Variants in CALCR observed in about 807,000 individuals in gnomAD.
The protein encoded by CALCR is calcitonin receptor.
CALCR carries 47 observed loss-of-function variants against 59.5 expected under a neutral mutation model. The ratio of observed to expected loss-of-function variants is 0.79; its 90% confidence interval spans 0.63 to 1.01. The LOEUF is 1.01. CALCR is among the 50% of genes least tolerant of loss of function. The pLI, the probability that CALCR is intolerant of heterozygous loss-of-function variation, is 0.00. For missense variants in CALCR, 566 were observed against 597.1 expected (o/e 0.95, Z 0.54); for synonymous variants, 213 against 211.3 (o/e 1.01, Z -0.07).
chr7:93,463,809 T>A (rs946345886), intron 7 of CALCR, among the ~76,000 whole-genome samples: 1 of 151,946 alleles, frequency 6.6e-6, no homozygotes, highest in Non-Finnish European at 1.5e-5. Flanking sequence ...ATCTGAGATG[T>A]CTTAGGTAGA....
chr7:93,439,097 C>A (rs1021449597), intron 9 of CALCR, among the ~76,000 whole-genome samples: 4 of 152,014 alleles, frequency 2.6e-5, no homozygotes, highest in Non-Finnish European at 5.9e-5. Context: ...TTGATTGAGA[C>A]ATCTGTAGAA....
At chr7:93,479,546 G>A (rs1800748245) in intron 3 of CALCR, 39 bp from the exon 4 acceptor site, 2 of 1,569,176 alleles carry the variant, frequency 1.3e-6, no homozygotes, top group African/African-American at 2.7e-5. Flanking sequence ...ATAGACAGGA[G>A]GAATGGGTGA....
chr7:93,542,523 A>G (rs1045578824), intron 2 of CALCR, among the ~76,000 whole-genome samples: 4 of 152,162 alleles, frequency 2.6e-5, no homozygotes, highest in Non-Finnish European at 5.9e-5. Context: ...TGTAGACTTT[A>G]TAAACACTGT....
chr7:93,472,923 G>GT lies in CALCR; in HGVS notation c.317-437dup, dbSNP rs527542469. Among the ~76,000 whole-genome samples the GT allele has an allele frequency of 2.1e-3, 321 of 151,850 alleles. 1 individual carries two copies. The highest frequency in any genetic ancestry group is 6.8e-3 in the African/African-American group (282 of 41,512). On this transcript the variant is annotated intron_variant, in intron 5 of 13. Coordinates refer to ENST00000426151, the MANE Select transcript of CALCR (RefSeq NM_001742.4). ...ATACCTTTCTTTATTTACTTGCAATGTTTTTTCATTAGATTAACTGTATGA... is the reference window on the plus strand; with the variant it reads ...ATACCTTTCTTTATTTACTTGCAATGTTTTTTTCATTAGATTAACTGTATGA...
At chr7:93,472,623 C>T in intron 5 of CALCR, 136 bp from the exon 6 acceptor site, 1 of 609,254 alleles carries the variant, frequency 1.6e-6, no homozygotes, top group Non-Finnish European at 2.9e-6. Flanking sequence ...TCAGTAGAGA[C>T]TATCACAAAT....
In CALCR at chr7:93,464,602, T is replaced by C. The variant is rs144106720; in HGVS notation, c.522-3655A>G. On this transcript the variant is annotated intron_variant, in intron 7 of 13. Transcript: ENST00000426151. ...CTTCCCTATTTGACAAGAGACTTTA[T>C]GCCTTTTGATTTAGCACAAAATCCT... Among the ~76,000 whole-genome samples, 309 of 152,140 alleles carry C rather than the reference T, an allele frequency of 2.0e-3. 1 individual carries two copies. Among genetic ancestry groups the C allele is most frequent in the Middle Eastern group, 6.8e-3 (2 of 294 alleles).
At chr7:93,477,772 T>C (rs1383711996) in intron 4 of CALCR, 104 bp from the exon 5 acceptor site, 27 of 687,608 alleles carry the variant, frequency 3.9e-5, no homozygotes, top group Non-Finnish European at 6.7e-5. Context: ...ACTACACCAG[T>C]CATAACCAAC....
At chr7:93,497,898 C>T (rs1801243920) in intron 2 of CALCR, among the ~76,000 whole-genome samples, 1 of 151,584 alleles carries the variant, frequency 6.6e-6, no homozygotes, top group African/African-American at 2.4e-5. Flanking sequence ...CCAGAAATCC[C>T]TGGTAGGAAT....
chr7:93,483,758 C>T (rs1218928143), intron 3 of CALCR, among the ~76,000 whole-genome samples: 1 of 151,572 alleles, frequency 6.6e-6, no homozygotes, highest in Non-Finnish European at 1.5e-5. Context: ...TATGTCTATA[C>T]TACTTATTTC....
chr7:93,487,927 GAGA>G (rs1219165424), intron 2 of CALCR, among the ~76,000 whole-genome samples: 1 of 151,096 alleles, frequency 6.6e-6, no homozygotes, highest in Admixed American at 6.6e-5. Flanking sequence ...GATATTTCAT[GAGA>G]AGATCAACCC....
chr7:93,471,463 T>G (rs749552995), intron 6 of CALCR, among the ~76,000 whole-genome samples: 1 of 151,818 alleles, frequency 6.6e-6, no homozygotes, highest in Non-Finnish European at 1.5e-5. Context: ...CTCGTTTGTT[T>G]TTGTTATTTG....
intron 2 of CALCR, among the ~76,000 whole-genome samples, chr7:93,569,076 C>A (rs1045264488): frequency 7.7e-5 from 8 of 103,660 alleles, no homozygotes; most frequent in Non-Finnish European, 1.8e-4. Context: ...AAAATAATTT[C>A]GTTTTTTTTT....
chr7:93,540,984 G>A (rs371928581), intron 2 of CALCR, among the ~76,000 whole-genome samples: 1 of 151,906 alleles, frequency 6.6e-6, no homozygotes, highest in South Asian at 2.1e-4. Flanking sequence ...AATGACAAAT[G>A]AGTGATTTGG....
chr7:93,509,004 A>T (rs1024719037), intron 2 of CALCR, among the ~76,000 whole-genome samples: 1 of 151,996 alleles, frequency 6.6e-6, no homozygotes. Context: ...ATTCTATCTC[A>T]TCTCATGTGA....
At chr7:93,512,477 A>T (rs768571413) in intron 2 of CALCR, among the ~76,000 whole-genome samples, 34 of 152,056 alleles carry the variant, frequency 2.2e-4, no homozygotes, top group Non-Finnish European at 4.0e-4. Flanking sequence ...CTTTTCTTTT[A>T]TGGCATCACA....
rs1485903899 is a variant in CALCR at position 93,460,931 on chromosome 7, T to C, written c.538A>G (p.Arg180Gly). Residue 180 changes from arginine to glycine, a missense_variant, in exon 8 of 14, where the codon AGG becomes GGG. Transcript: ENST00000426151. Reference sequence around the variant, plus strand: ...AACATGTTCTTGTGCAGGGTTACCCTTTGGCAGCCAAGGCTCCTGGAAGAA... The same window carrying C: ...AACATGTTCTTGTGCAGGGTTACCCCTTGGCAGCCAAGGCTCCTGGAAGAA... ...FVFFRSLGCQ[R>G]VTLHKNMFLT... 9.3e-6 allele frequency: 15 copies of C among 1,609,220 alleles called. No individual in the cohort carries two copies. The highest frequency in any genetic ancestry group is 1.1e-5 in the Non-Finnish European group (13 of 1,178,122).
intron 3 of CALCR, among the ~76,000 whole-genome samples, chr7:93,483,194 T>C (rs1167532227): frequency 1.3e-5 from 2 of 151,792 alleles, no homozygotes; most frequent in Admixed American, 6.6e-5. Flanking sequence ...ATATAACCTA[T>C]GTACATCCTC....
intron 2 of CALCR, among the ~76,000 whole-genome samples, chr7:93,561,850 TA>T (rs1789756582): frequency 6.6e-6 from 1 of 152,018 alleles, no homozygotes. Flanking sequence ...AGGCCCTGGG[TA>T]AAAATGTGTG....
chr7:93,507,114 T>C (rs1801441146), intron 2 of CALCR, among the ~76,000 whole-genome samples: 1 of 152,102 alleles, frequency 6.6e-6, no homozygotes, highest in Non-Finnish European at 1.5e-5. Flanking sequence ...AGTGTGAGAA[T>C]GGACTAATAC....
Sources: gnomAD v4.1 joint callset for allele counts (sites outside exome capture counted in the v4.1 genomes callset) on GRCh38, gnomAD v4.1.1 for gene constraint, MANE v1.5 for transcripts, NCBI Gene and HGNC (gene_info 2026-07-23, HGNC 2026-07-21) for gene names.